The following PCYT2 variants were observed in gnomAD, a reference collection of about 807,000 sequenced individuals.
PCYT2 encodes ethanolamine-phosphate cytidylyltransferase.
A neutral mutation model predicts 50.0 loss-of-function variants in PCYT2; 33 were observed. That is an observed-to-expected ratio of 0.66 (90% CI 0.50 to 0.88). The LOEUF (loss-of-function observed/expected upper bound fraction) is 0.88. Ranked by LOEUF, PCYT2 falls within the 40% of genes least tolerant of loss-of-function variation. The probability of loss-of-function intolerance (pLI) is 0.00; values close to 1 mark genes in which losing one functional copy is unlikely to be tolerated. For synonymous variants in PCYT2, 240 were observed against 203.7 expected, an observed-to-expected ratio of 1.18 and a Z score of -1.52; for missense variants, 430 against 519.7, an observed-to-expected ratio of 0.83 and a Z score of 1.68.
chr17:81,902,418 C>T lies in PCYT2; in HGVS notation c.*2415G>A. ...GCGCCGCGGGGCTGCTGTCCGGCCT[C>T]CGCAGGTCCCCGTACGCGCGGCGCT... On this transcript the variant is annotated 3_prime_UTR_variant, in exon 13 of 13. Coordinates refer to ENST00000538936, the MANE Select transcript of PCYT2 (RefSeq NM_002861.5). 1.5e-6 allele frequency: 2 copies of T among 1,351,598 alleles called. No individual in the cohort carries two copies. Among genetic ancestry groups the T allele is most frequent in the Non-Finnish European group, 1.9e-6 (2 of 1,059,380 alleles). 83.7% of individuals were successfully genotyped at this position (1,351,598 alleles called of 1,614,324 possible). A position where few individuals can be genotyped will look rare whatever the true frequency, so the allele number is the denominator to read the frequency against.
At chr17:81,905,267 C>A in intron 11 of PCYT2, 113 bp from the exon 12 acceptor site, 1 of 1,296,806 alleles carries the variant, frequency 7.7e-7, no homozygotes, top group Non-Finnish European at 1.1e-6. Flanking sequence ...GGGAGTGGTG[C>A]AGTCGGAGCA....
chr17:81,909,859 G>A (rs943680510), intron 1 of PCYT2, among the ~76,000 whole-genome samples: 1 of 152,204 alleles, frequency 6.6e-6, no homozygotes, highest in Non-Finnish European at 1.5e-5. Flanking sequence ...AGGCCTGGCT[G>A]GGTCTAGAGG....
chr17:81,905,439 C>G lies in PCYT2; in HGVS notation c.912G>C (p.Leu304=), dbSNP rs1300294619. ...TAATTTCTGTCTTGCCGTGACACAC[C>G]AGGTCCACCTGGAGAAGGAGTGGGG... is the stretch of plus-strand genomic sequence containing the variant. ...AELLSHFKVD[L]VCHGKTEIIP... The change falls in exon 11 of 13, where the codon CTG becomes CTC. Residue 304 remains leucine, a synonymous_variant. Transcript: ENST00000538936. 3 of 1,566,196 alleles carry G rather than the reference C, an allele frequency of 1.9e-6. No individual in the cohort carries two copies. The highest frequency in any genetic ancestry group is 1.7e-6 in the Non-Finnish European group (2 of 1,155,396).
Position 81,911,285 on chromosome 17 carries a change from C to G in PCYT2, c.71G>C (p.Arg24Thr), listed in dbSNP as rs550614133. 35 of 1,135,426 alleles carry G rather than the reference C, an allele frequency of 3.1e-5. No individual in the cohort carries two copies. In the South Asian group the frequency reaches 7.2e-4, roughly 23 times the overall value. 70.3% of individuals were successfully genotyped at this position (1,135,426 alleles called of 1,614,324 possible). The change falls in exon 1 of 13, where the codon AGG (arginine) becomes ACG (threonine). Residue 24 changes from arginine (R) to threonine (T), a missense_variant. Coordinates refer to ENST00000538936, the MANE Select transcript of PCYT2 (RefSeq NM_002861.5). ...CGCTCACCAGCCATCGCACCACACCCTCACGGCGCGCCTGCCCCCCGGGCC... is the reference window on the plus strand; with the variant it reads ...CGCTCACCAGCCATCGCACCACACCGTCACGGCGCGCCTGCCCCCCGGGCC... ...QPGPGGRRAV[R>T]VWCDGCYDMV...
intron 1 of PCYT2, 96 bp downstream of exon 1, chr17:81,911,171 A>C: frequency 9.9e-7 from 1 of 1,009,988 alleles, no homozygotes; most frequent in African/African-American, 1.7e-5. Flanking sequence ...GACGCCACCC[A>C]GAACGCGGGC....
chr17:81,907,044 G>T, intron 6 of PCYT2, 146 bp from the exon 7 acceptor site: 1 of 1,120,684 alleles, frequency 8.9e-7, no homozygotes, highest in Non-Finnish European at 1.3e-6. Context: ...CAGGCCAGGT[G>T]GCAGGTGGGA....
rs1009701349 is a variant in PCYT2, at chr17:81,907,451, G to A, written c.537+103C>T. On this transcript the variant is annotated intron_variant, in intron 6 of 12. Coordinates refer to ENST00000538936, the MANE Select transcript of PCYT2 (RefSeq NM_002861.5). ...CAGTGCCAGGGACAGAGGGAGGAGGGTGAGGCTCTGGGCTGGCCTTTCCCC... is the reference window on the plus strand; with the variant it reads ...CAGTGCCAGGGACAGAGGGAGGAGGATGAGGCTCTGGGCTGGCCTTTCCCC... 17 of 1,323,064 alleles carry A rather than the reference G, an allele frequency of 1.3e-5. No individual in the cohort carries two copies. The Admixed American group carries it at 3.0e-4, about 23-fold the overall frequency. The allele number at this position is 1,323,064 out of a possible 1,614,324, so 82.0% of individuals were successfully genotyped here.
rs775422258 is a variant in PCYT2 at position 81,908,930 on chromosome 17, C to T, written c.286G>A (p.Val96Ile). Residue 96 changes from valine (V) to isoleucine (I), a missense_variant, in exon 3 of 13, where the codon GTC becomes ATC. Physicochemically the swap from Val to Ile is conservative, Grantham distance 29. Transcript: ENST00000538936. ...TTGTCCAGGGTCTCTAGTGTAGTGA[C>T]GTAGGGAGCCGCTGGCACCACCTCG... ...VDEVVPAAPY[V>I]TTLETLDKYN... 1.1e-5 allele frequency: 18 copies of T among 1,613,878 alleles called. No homozygotes were observed. Among genetic ancestry groups the T allele is most frequent in the East Asian group, 2.2e-5 (1 of 44,866 alleles).
At chr17:81,911,237 C>T in intron 1 of PCYT2, 30 bp downstream of exon 1, 3 of 1,032,294 alleles carry the variant, frequency 2.9e-6, no homozygotes, top group Non-Finnish European at 3.5e-6. Flanking sequence ...GCCCCGGCGC[C>T]CCCGCGGCCC....
intron 11 of PCYT2, 63 bp downstream of exon 11, chr17:81,905,319 C>T: frequency 6.9e-7 from 1 of 1,445,960 alleles, no homozygotes; most frequent in African/African-American, 1.4e-5. Context: ...CACAGTGAGT[C>T]ATTAAATGGC....
Position 81,902,126 on chromosome 17 carries a change from C to T in PCYT2, c.*2707G>A, listed in dbSNP as rs954317969. The T allele has an allele frequency of 1.6e-6, 1 of 634,610 alleles. No individual in the cohort carries two copies. Among genetic ancestry groups the T allele is most frequent in the Non-Finnish European group, 2.2e-6 (1 of 462,674 alleles). 39.3% of individuals were successfully genotyped at this position (634,610 alleles called of 1,614,324 possible). ...CCTTTGGGATGCGGAGGTGCGACGGCTCCTCCGCGCGCGCCCGCTGCACCC... is the reference window on the plus strand; with the variant it reads ...CCTTTGGGATGCGGAGGTGCGACGGTTCCTCCGCGCGCGCCCGCTGCACCC... On this transcript the variant is annotated 3_prime_UTR_variant, in exon 13 of 13. Coordinates refer to ENST00000538936, the MANE Select transcript of PCYT2 (RefSeq NM_002861.5).
At chr17:81,909,458 T>G (rs2040456267) in intron 2 of PCYT2, 56 bp downstream of exon 2, 4 of 1,547,894 alleles carry the variant, frequency 2.6e-6, no homozygotes, top group Non-Finnish European at 3.6e-6. Context: ...CAGTCAACAG[T>G]CGCAACCCAC....
intron 1 of PCYT2, chr17:81,910,870 C>G: frequency 1.0e-6 from 1 of 987,164 alleles, no homozygotes; most frequent in Non-Finnish European, 1.2e-6. Context: ...CACCGCGGGT[C>G]CCGGACAGGC....
Position 81,906,764 on chromosome 17 carries a change from C to T in PCYT2, c.672G>A (p.Leu224=). 6.2e-7 allele frequency: 1 copy of T among 1,612,800 alleles called. No individual in the cohort carries two copies. Among genetic ancestry groups the T allele is most frequent in the South Asian group, 1.1e-5 (1 of 91,048 alleles). ...TVIYVAGAFD[L]FHIGHVDFLE... The stretch of plus-strand genomic sequence containing the variant: ...CAGCAGAGGCCCAGAGGATACGGAA[C>T]AGGTCGAAGGCACCAGCCACATAGA... The change falls in exon 7 of 13, where the codon CTG becomes CTA. Residue 224 remains leucine, a synonymous_variant. Coordinates refer to ENST00000538936, the MANE Select transcript of PCYT2 (RefSeq NM_002861.5).
At position 81,903,500 on chromosome 17, in the gene PCYT2, T is replaced by C. The variant is rs2040065767; in HGVS notation, c.*1333A>G. On this transcript the variant is annotated 3_prime_UTR_variant, in exon 13 of 13. Transcript: ENST00000538936. ...CCAAGCCTGGGGCCCAGGCAGCCCC[T>C]GTCCAGCACCAATCTGTCTATGGGG... is the stretch of plus-strand genomic sequence containing the variant. 6.6e-6 allele frequency: 1 copy of C among 152,418 alleles called. No individual in the cohort carries two copies. The highest frequency in any genetic ancestry group is 1.5e-5 in the Non-Finnish European group (1 of 68,222). 9.4% of individuals were successfully genotyped at this position (152,418 alleles called of 1,614,324 possible).
rs2039977032 is a variant in PCYT2, at chr17:81,902,173, C to T, written c.*2660G>A. 3 of 1,095,966 alleles carry T rather than the reference C, an allele frequency of 2.7e-6. No individual in the cohort carries two copies. Among genetic ancestry groups the T allele is most frequent in the Non-Finnish European group, 3.4e-6 (3 of 876,298 alleles). 67.9% of individuals were successfully genotyped at this position (1,095,966 alleles called of 1,614,324 possible). ...ACCCCAGCCCGCCCGCCGCCCCTCCCGGCCCTCCGCAGCCTCGGCCCGCCC... is the reference window on the plus strand; with the variant it reads ...ACCCCAGCCCGCCCGCCGCCCCTCCTGGCCCTCCGCAGCCTCGGCCCGCCC... On this transcript the variant is annotated 3_prime_UTR_variant, in exon 13 of 13. Coordinates refer to ENST00000538936, the MANE Select transcript of PCYT2 (RefSeq NM_002861.5).
chr17:81,910,343 G>A (rs2040518224), intron 1 of PCYT2, among the ~76,000 whole-genome samples: 1 of 152,252 alleles, frequency 6.6e-6, no homozygotes, highest in South Asian at 2.1e-4. Context: ...TGCCTCTCCA[G>A]GGAGAGGTGT....
At position 81,907,368 on chromosome 17, in the gene PCYT2, C is replaced by T. The variant is rs1012108934; in HGVS notation, c.537+186G>A. 96 of 1,220,498 alleles carry T rather than the reference C, an allele frequency of 7.9e-5. No homozygotes were observed. The highest frequency in any genetic ancestry group is 1.1e-4 in the Non-Finnish European group (92 of 875,234). The allele number at this position is 1,220,498 out of a possible 1,614,324, so 75.6% of individuals were successfully genotyped here. The stretch of plus-strand genomic sequence containing the variant: ...TGACCGGCCAGCCGGTGCCACCACC[C>T]GCCTGCCCTCCCTCCCAGCATCCAC... On this transcript the variant is annotated intron_variant, in intron 6 of 12. Coordinates refer to ENST00000538936, the MANE Select transcript of PCYT2 (RefSeq NM_002861.5).
At chr17:81,905,002 G>A (rs936968038) in intron 12 of PCYT2, 58 bp from the exon 13 acceptor site, 4 of 1,583,416 alleles carry the variant, frequency 2.5e-6, no homozygotes, top group African/African-American at 1.3e-5. Context: ...CGAGGGGGAG[G>A]GCACGGTAAG....
Sources: gnomAD v4.1 joint callset for allele counts (sites outside exome capture counted in the v4.1 genomes callset) on GRCh38, gnomAD v4.1.1 for gene constraint, MANE v1.5 for transcripts, NCBI Gene and HGNC (gene_info 2026-07-23, HGNC 2026-07-21) for gene names.